TUSC3: variants seen among roughly 807,000 people sequenced by gnomAD.
TUSC3 encodes the protein tumor suppressor candidate 3.
Under a neutral mutation model 44.8 loss-of-function variants are expected in TUSC3, and 45 were observed. The observed-to-expected ratio is 1.00, with a 90% CI of 0.79 to 1.29. The LOEUF (loss-of-function observed/expected upper bound fraction) is 1.29. Ranked by LOEUF, TUSC3 falls within the 50% of genes most tolerant of loss-of-function variation. The pLI is 0.00. For missense variants in TUSC3, 519 were observed against 437.9 expected, an observed-to-expected ratio of 1.19 and a Z score of -1.65; for synonymous variants, 212 against 152.9, an observed-to-expected ratio of 1.39 and a Z score of -2.85.
At chr8:15,651,097 T>C in intron 3 of TUSC3, 1 of 341,408 alleles carries the variant, frequency 2.9e-6, no homozygotes, top group Non-Finnish European at 5.5e-6. Context: ...TTAACATAAT[T>C]ATGGCTAAAC....
chr8:15,528,218 C>G (rs765861639), intron 2 of TUSC3, among the ~76,000 whole-genome samples: 1 of 152,062 alleles, frequency 6.6e-6, no homozygotes, highest in African/African-American at 2.4e-5. Flanking sequence ...TCCATCATTT[C>G]TTTCCTTGGA....
At chr8:15,629,589 T>C (rs955698535) in intron 2 of TUSC3, among the ~76,000 whole-genome samples, 10 of 147,472 alleles carry the variant, frequency 6.8e-5, no homozygotes, top group African/African-American at 2.3e-4. Context: ...TTACTCCTCC[T>C]GGGTCCTTCT....
the TUSC3 span, among the ~76,000 whole-genome samples, chr8:15,808,544 T>C: frequency 1.3e-5 from 2 of 152,170 alleles, no homozygotes; most frequent in Admixed American, 6.5e-5. Context: ...TCCAGAATTA[T>C]TCTCTTACCG....
rs1198334565 is a variant in TUSC3, at chr8:15,765,572, A to G, written c.*1416A>G. The G allele has an allele frequency of 6.6e-6, 1 of 152,064 alleles. No homozygotes were observed. Among genetic ancestry groups the G allele is most frequent in the African/African-American group, 2.4e-5 (1 of 41,434 alleles). 9.4% of individuals were successfully genotyped at this position (152,064 alleles called of 1,614,324 possible). On this transcript the variant is annotated 3_prime_UTR_variant, in exon 11 of 11. Transcript: ENST00000503731. ...TGTTTATCAAGTTATATCCCAGGGC[A>G]ATGTGTATGCTAGCAGGATGAATGC...
intron 1 of TUSC3, among the ~76,000 whole-genome samples, chr8:15,475,471 T>G (rs571937850): frequency 2.6e-5 from 4 of 152,366 alleles, no homozygotes; most frequent in African/African-American, 9.6e-5. Flanking sequence ...GTTTTCTGTT[T>G]ATCTCTCAGT....
chr8:15,514,292 A>G (rs976585090), intron 2 of TUSC3, among the ~76,000 whole-genome samples: 1 of 152,228 alleles, frequency 6.6e-6, no homozygotes, highest in African/African-American at 2.4e-5. Context: ...ATTTCAAAAT[A>G]GAATTTAGAT....
At chr8:15,689,118 GC>G in intron 6 of TUSC3, 1 of 380,372 alleles carries the variant, frequency 2.6e-6, no homozygotes, top group Non-Finnish European at 5.2e-6. Context: ...GTCTTGTCTT[GC>G]ACGCCATTCT....
intron 1 of TUSC3, among the ~76,000 whole-genome samples, chr8:15,459,856 ATGTGTGTG>A (rs556167735): frequency 7.2e-6 from 1 of 139,444 alleles, no homozygotes; most frequent in Non-Finnish European, 1.6e-5. Context: ...GTGTGTGTGT[ATGTGTGTG>A]TGTGTGTGTG....
intron 1 of TUSC3, among the ~76,000 whole-genome samples, chr8:15,430,026 A>G (rs1331809530): frequency 6.6e-6 from 1 of 151,610 alleles, no homozygotes; most frequent in Non-Finnish European, 1.5e-5. Context: ...AGATGGATTC[A>G]CAGCCGAATT....
chr8:15,528,303 T>C (rs954077386), intron 2 of TUSC3, among the ~76,000 whole-genome samples: 3 of 152,184 alleles, frequency 2.0e-5, no homozygotes. Flanking sequence ...ATTACCTCAT[T>C]TGATGAGTTC....
At chr8:15,486,052 C>T (rs1800728875) in intron 2 of TUSC3, among the ~76,000 whole-genome samples, 1 of 152,106 alleles carries the variant, frequency 6.6e-6, no homozygotes, top group Admixed American at 6.6e-5. Context: ...CCTTGGCCTC[C>T]CATGGTGCCT....
the TUSC3 span, among the ~76,000 whole-genome samples, chr8:15,850,259 T>C: frequency 1.3e-5 from 2 of 152,168 alleles, no homozygotes; most frequent in African/African-American, 2.4e-5. Context: ...TTAGTATCCA[T>C]ATAAAAGGTG....
intron 2 of TUSC3, among the ~76,000 whole-genome samples, chr8:15,623,635 C>T (rs992182664): frequency 5.3e-5 from 8 of 151,388 alleles, no homozygotes; most frequent in Admixed American, 3.3e-4. Context: ...TTTTTGATAC[C>T]GCCAATGATT....
intron 2 of TUSC3, among the ~76,000 whole-genome samples, chr8:15,510,690 T>G (rs571238473): frequency 3.3e-5 from 5 of 152,252 alleles, no homozygotes; most frequent in African/African-American, 9.6e-5. Flanking sequence ...TTACACAAAC[T>G]GTTCCTGAAA....
At chr8:15,831,778 G>A in the TUSC3 span, among the ~76,000 whole-genome samples, 1 of 152,102 alleles carries the variant, frequency 6.6e-6, no homozygotes, top group African/African-American at 2.4e-5. Context: ...AAATCTACAA[G>A]AAATGTGGAA....
intron 1 of TUSC3, among the ~76,000 whole-genome samples, chr8:15,575,941 T>G (rs1382720087): frequency 6.7e-6 from 1 of 150,064 alleles, no homozygotes; most frequent in African/African-American, 2.4e-5. Flanking sequence ...AATTTATGGT[T>G]TATATATTCA....
intron 1 of TUSC3, among the ~76,000 whole-genome samples, chr8:15,599,032 G>A (rs1409746386): frequency 6.6e-6 from 1 of 151,788 alleles, no homozygotes; most frequent in Non-Finnish European, 1.5e-5. Context: ...ATCTTGCAAA[G>A]TGCCTGTACC....
chr8:15,776,878 A>T, the TUSC3 span, among the ~76,000 whole-genome samples: 1 of 152,142 alleles, frequency 6.6e-6, no homozygotes, highest in Non-Finnish European at 1.5e-5. Context: ...GGGTAACATG[A>T]TGGGCAAAAA....
chr8:15,613,965 C>A (rs10094078), intron 1 of TUSC3, among the ~76,000 whole-genome samples: 3 of 151,044 alleles, frequency 2.0e-5, no homozygotes, highest in African/African-American at 7.3e-5. Flanking sequence ...CCTGTGTTAT[C>A]TCCCATGTGT....
Sources: allele counts gnomAD v4.1 joint callset (sites outside exome capture counted in the v4.1 genomes callset), GRCh38; gene constraint gnomAD v4.1.1; transcripts MANE v1.5; gene names NCBI Gene and HGNC (gene_info 2026-07-23, HGNC 2026-07-21).